Variants in ERAP1 observed in about 807,000 individuals in gnomAD.
The protein encoded by ERAP1 is adipocyte-derived leucine aminopeptidase.
A neutral mutation model predicts 103.7 loss-of-function variants in ERAP1; 86 were observed. The observed-to-expected ratio is 0.83, with a 90% CI of 0.70 to 0.99. The LOEUF is 0.99. ERAP1 is among the 50% of genes least tolerant of loss of function. The pLI, the probability that ERAP1 is intolerant of heterozygous loss-of-function variation, is 0.00. For missense variants in ERAP1, 1,009 were observed against 1,128.4 expected, an observed-to-expected ratio of 0.89 and a Z score of 1.52; for synonymous variants, 398 against 402.4, an observed-to-expected ratio of 0.99 and a Z score of 0.13.
At chr5:96,861,110 C>A in the ERAP1 span, among the ~76,000 whole-genome samples, 1 of 152,158 alleles carries the variant, frequency 6.6e-6, no homozygotes, top group Non-Finnish European at 1.5e-5. Context: ...CCTGACAATT[C>A]TTTGAACTGC....
intron 2 of ERAP1, among the ~76,000 whole-genome samples, chr5:96,801,854 CAAAAAAAAAAA>C (rs59332218): frequency 3.7e-5 from 2 of 54,682 alleles, no homozygotes; most frequent in African/African-American, 9.3e-5. Context: ...TCCGTCTCGA[CAAAAAAAAAAA>C]AAAAAAAAAA....
At chr5:96,822,510 G>C in the ERAP1 span, among the ~76,000 whole-genome samples, 1 of 152,182 alleles carries the variant, frequency 6.6e-6, no homozygotes, top group Non-Finnish European at 1.5e-5. Flanking sequence ...TGCAAGAATT[G>C]TGTCTTAGGT....
chr5:96,783,044 G>A lies in ERAP1; in HGVS notation c.2285+7C>T. 6.2e-7 allele frequency: 1 copy of A among 1,613,958 alleles called. No homozygotes were observed. The highest frequency in any genetic ancestry group is 8.5e-7 in the Non-Finnish European group (1 of 1,179,858). ...ATCAACAAATTGGTTATTTAGTAAG[G>A]ACTGACCTCAAGTTTCCATTGGATT... On this transcript the variant is annotated splice_region_variant and intron_variant, in intron 15 of 18. Transcript: ENST00000443439.
At chr5:96,922,068 G>T in the ERAP1 span, among the ~76,000 whole-genome samples, 2 of 152,176 alleles carry the variant, frequency 1.3e-5, no homozygotes, top group African/African-American at 4.8e-5. Flanking sequence ...GGAGGCCGAG[G>T]CGGGCGGATC....
At chr5:96,898,197 A>G in the ERAP1 span, among the ~76,000 whole-genome samples, 1 of 151,826 alleles carries the variant, frequency 6.6e-6, no homozygotes, top group African/African-American at 2.4e-5. Context: ...CTCTGTCTCA[A>G]TAATAATAAT....
At chr5:96,905,183 G>A in the ERAP1 span, among the ~76,000 whole-genome samples, 82 of 152,264 alleles carry the variant, frequency 5.4e-4, 1 homozygote, top group African/African-American at 1.9e-3. Flanking sequence ...TGAATAGGAG[G>A]AGGAGATGAC....
At chr5:96,923,220 T>G in the ERAP1 span, among the ~76,000 whole-genome samples, 1 of 152,152 alleles carries the variant, frequency 6.6e-6, no homozygotes, top group Admixed American at 6.5e-5. Flanking sequence ...CCTGCCGCCT[T>G]GGGCTCACAA....
chr5:96,868,858 T>A, the ERAP1 span, among the ~76,000 whole-genome samples: 1 of 152,082 alleles, frequency 6.6e-6, no homozygotes, highest in Non-Finnish European at 1.5e-5. Flanking sequence ...TCAAATTAGA[T>A]TTAGTAATGG....
At chr5:96,784,324 G>A (rs965382840) in intron 13 of ERAP1, among the ~76,000 whole-genome samples, 5 of 152,104 alleles carry the variant, frequency 3.3e-5, no homozygotes, top group East Asian at 1.9e-4. Flanking sequence ...GTGAAACCCC[G>A]TCTCTACTAA....
the ERAP1 span, among the ~76,000 whole-genome samples, chr5:96,901,840 T>A: frequency 1.3e-5 from 2 of 152,228 alleles, no homozygotes; most frequent in Non-Finnish European, 2.9e-5. Context: ...GAGCTTCATA[T>A]AACCCGGACT....
the ERAP1 span, chr5:96,883,940 C>G: frequency 1.4e-5 from 21 of 1,555,176 alleles, no homozygotes; most frequent in South Asian, 2.5e-4. Context: ...GGTATGTCCA[C>G]TTCCAGAAAC....
the ERAP1 span, among the ~76,000 whole-genome samples, chr5:96,868,786 G>A: frequency 1.3e-5 from 2 of 152,074 alleles, no homozygotes; most frequent in Admixed American, 6.5e-5. Flanking sequence ...GCTGTTGGAG[G>A]GGCAAGGCAT....
chr5:96,909,073 A>G, the ERAP1 span: 1 of 1,614,160 alleles, frequency 6.2e-7, no homozygotes, highest in Non-Finnish European at 8.5e-7. Context: ...GTTTTACCAC[A>G]TGATGGACAG....
At chr5:96,884,384 G>A in the ERAP1 span, among the ~76,000 whole-genome samples, 2 of 152,156 alleles carry the variant, frequency 1.3e-5, no homozygotes, top group Admixed American at 6.5e-5. Context: ...CACTGCTGAC[G>A]GTCCAGAGAC....
chr5:96,824,627 A>C, the ERAP1 span, among the ~76,000 whole-genome samples: 1 of 152,142 alleles, frequency 6.6e-6, no homozygotes, highest in Non-Finnish European at 1.5e-5. Context: ...AGCCTGGAAA[A>C]CTTTCCCATC....
chr5:96,923,490 C>T, the ERAP1 span, among the ~76,000 whole-genome samples: 1 of 151,998 alleles, frequency 6.6e-6, no homozygotes, highest in African/African-American at 2.4e-5. Flanking sequence ...GTCAGGAGAT[C>T]GAGACCATCC....
chr5:96,781,986 C>A (rs1775247068), intron 15 of ERAP1, 132 bp from the exon 16 acceptor site: 3 of 843,268 alleles, frequency 3.6e-6, no homozygotes, highest in Non-Finnish European at 5.6e-6. Flanking sequence ...TAAACAAAAA[C>A]TACTGATTTC....
chr5:96,798,243 T>C (rs536611176), intron 3 of ERAP1, among the ~76,000 whole-genome samples: 2 of 143,892 alleles, frequency 1.4e-5, no homozygotes, highest in Non-Finnish European at 3.0e-5. Flanking sequence ...GAGAATGGCA[T>C]GAACCCGGAA....
At chr5:96,900,222 A>C in the ERAP1 span, 1 of 1,612,264 alleles carries the variant, frequency 6.2e-7, no homozygotes, top group Admixed American at 1.7e-5. Flanking sequence ...AGTAGAAGAG[A>C]TCTGTGGAAT....
Sources: gnomAD v4.1 joint callset for allele counts (sites outside exome capture counted in the v4.1 genomes callset) on GRCh38, gnomAD v4.1.1 for gene constraint, MANE v1.5 for transcripts, NCBI Gene and HGNC (gene_info 2026-07-23, HGNC 2026-07-21) for gene names.